Variants in SYN3 observed in about 807,000 individuals in gnomAD.
The protein encoded by SYN3 is synapsin III.
In SYN3, 35 loss-of-function variants were observed where a neutral mutation model predicts 65.8. The ratio of observed to expected loss-of-function variants is 0.53; its 90% confidence interval spans 0.41 to 0.70. SYN3 has a LOEUF of 0.70. Ranked by LOEUF, SYN3 falls within the 30% of genes least tolerant of loss-of-function variation. The probability of loss-of-function intolerance (pLI) is 0.00; values close to 1 mark genes in which losing one functional copy is unlikely to be tolerated. For missense variants in SYN3, 680 were observed against 749.0 expected (o/e 0.91, Z 1.08); for synonymous variants, 270 against 292.9 (o/e 0.92, Z 0.80).
chr22:32,786,697 G>C (rs994527743), intron 6 of SYN3, among the ~76,000 whole-genome samples: 9 of 152,174 alleles, frequency 5.9e-5, no homozygotes, highest in African/African-American at 1.9e-4. Flanking sequence ...AAGGAGGGGG[G>C]ATTTAATAAT....
intron 3 of SYN3, among the ~76,000 whole-genome samples, chr22:32,964,714 G>A (rs141172128): frequency 6.6e-6 from 1 of 152,058 alleles, no homozygotes; most frequent in Non-Finnish European, 1.5e-5. Context: ...AAAGTTAAAC[G>A]CATGAGGGCA....
chr22:32,651,613 A>T (rs2060072243), intron 6 of SYN3, among the ~76,000 whole-genome samples: 1 of 150,896 alleles, frequency 6.6e-6, no homozygotes. Flanking sequence ...AGGATGGCCC[A>T]TGCTTGCTCA....
chr22:32,985,117 C>G (rs879599790), intron 2 of SYN3, among the ~76,000 whole-genome samples: 2 of 152,206 alleles, frequency 1.3e-5, no homozygotes, highest in Non-Finnish European at 2.9e-5. Flanking sequence ...GCCTTAGTTT[C>G]CACACCTAGG....
intron 4 of SYN3, among the ~76,000 whole-genome samples, chr22:32,873,284 T>TG (rs1030138606): frequency 5.5e-5 from 8 of 144,586 alleles, no homozygotes; most frequent in African/African-American, 2.1e-4. Flanking sequence ...AGGGAGTGAG[T>TG]GGGTGAGTGA....
chr22:33,022,752 A>G (rs1323042347), intron 1 of SYN3, among the ~76,000 whole-genome samples: 1 of 152,210 alleles, frequency 6.6e-6, no homozygotes, highest in Non-Finnish European at 1.5e-5. Context: ...AGATTCTTCC[A>G]TTTATTTGCA....
intron 6 of SYN3, among the ~76,000 whole-genome samples, chr22:32,695,865 T>TAGTTTCCATATTATTCTCCAATAAA (rs1174022301): frequency 3.3e-5 from 5 of 152,198 alleles, no homozygotes; most frequent in African/African-American, 1.2e-4. Context: ...AAATGATTAT[T>TAGTTTCCATATTATTCTCCAATAAA]TATTCAGCCT....
intron 6 of SYN3, among the ~76,000 whole-genome samples, chr22:32,650,883 T>C (rs1208748080): frequency 6.6e-6 from 1 of 152,262 alleles, no homozygotes; most frequent in Non-Finnish European, 1.5e-5. Flanking sequence ...AGTATTCTTA[T>C]GCTGATATGA....
intron 3 of SYN3, among the ~76,000 whole-genome samples, chr22:32,963,614 C>A (rs2051730217): frequency 6.6e-6 from 1 of 152,052 alleles, no homozygotes. Context: ...TGAGGGAAAG[C>A]CACCATAAAC....
intron 7 of SYN3, among the ~76,000 whole-genome samples, chr22:32,543,377 C>A (rs528955927): frequency 4.6e-5 from 7 of 152,174 alleles, no homozygotes; most frequent in Non-Finnish European, 8.8e-5. Flanking sequence ...TTCCTTGAAC[C>A]ATCTCAGGGG....
intron 6 of SYN3, among the ~76,000 whole-genome samples, chr22:32,714,770 G>GA (rs1406274949): frequency 6.6e-6 from 1 of 152,106 alleles, no homozygotes; most frequent in Non-Finnish European, 1.5e-5. Context: ...TATGAAATTG[G>GA]AAAAATTCTT....
chr22:32,651,680 T>C (rs1378258589), intron 6 of SYN3, among the ~76,000 whole-genome samples: 1 of 152,138 alleles, frequency 6.6e-6, no homozygotes, highest in Admixed American at 6.5e-5. Context: ...GCTTTAGACA[T>C]CTCAGTTCGC....
At chr22:32,825,949 G>A (rs543596380) in intron 6 of SYN3, among the ~76,000 whole-genome samples, 2 of 152,104 alleles carry the variant, frequency 1.3e-5, no homozygotes, top group Admixed American at 1.3e-4. Context: ...TATTAGCAGG[G>A]GACGTATCCA....
At chr22:32,927,266 T>C (rs2050499958) in intron 4 of SYN3, among the ~76,000 whole-genome samples, 1 of 121,538 alleles carries the variant, frequency 8.2e-6, no homozygotes, top group South Asian at 2.1e-4. Context: ...ATATTTACTT[T>C]TTTTTTTTTT....
intron 6 of SYN3, among the ~76,000 whole-genome samples, chr22:32,811,033 T>A (rs1318519063): frequency 6.6e-6 from 1 of 152,158 alleles, no homozygotes. Flanking sequence ...AGTGAAATAC[T>A]TCATGGAATG....
intron 6 of SYN3, among the ~76,000 whole-genome samples, chr22:32,739,369 AC>A (rs1286945156): frequency 1.5e-5 from 1 of 65,466 alleles, no homozygotes; most frequent in East Asian, 5.5e-4. Flanking sequence ...AGTCCATTAA[AC>A]CCCCCCTTTT....
At chr22:32,698,250 C>T (rs2074829612) in intron 6 of SYN3, among the ~76,000 whole-genome samples, 1 of 152,170 alleles carries the variant, frequency 6.6e-6, no homozygotes, top group African/African-American at 2.4e-5. Flanking sequence ...CTGACAACTT[C>T]AAGGTGGGGT....
In SYN3 at chr22:32,951,572, A is replaced by G. The variant is rs142977773; in HGVS notation, c.370-20091T>C. 1.1e-4 allele frequency among the ~76,000 whole-genome samples: 17 copies of G among 152,324 alleles called. No individual in the cohort carries two copies. In the East Asian group the frequency reaches 3.1e-3, roughly 28 times the overall value. On this transcript the variant is annotated intron_variant, in intron 3 of 13. Transcript: ENST00000358763. ...CTAAAACAGTGCCTGTGCTCCGTCA[A>G]TATCACTCAATGAACCAATGCCCAT...
chr22:32,563,604 G>A (rs2058617278), intron 7 of SYN3, among the ~76,000 whole-genome samples: 2 of 152,182 alleles, frequency 1.3e-5, no homozygotes, highest in African/African-American at 4.8e-5. Flanking sequence ...GTGCCGAGAG[G>A]ACCCTGGAAA....
chr22:32,941,087 G>A lies in SYN3; in HGVS notation c.370-9606C>T, dbSNP rs748728867. Among the ~76,000 whole-genome samples, 25 of 152,014 alleles carry A rather than the reference G, an allele frequency of 1.6e-4. No homozygotes were observed. The East Asian group carries it at 3.7e-3, about 22-fold the overall frequency. ...CAGACCTCTCAAAGACCTCCTCAAC[G>A]AAACCCTCACTTATCTTAAAGGTTA... On this transcript the variant is annotated intron_variant, in intron 3 of 13. Transcript: ENST00000358763.
Sources: gnomAD v4.1 joint callset for allele counts (sites outside exome capture counted in the v4.1 genomes callset) on GRCh38, gnomAD v4.1.1 for gene constraint, MANE v1.5 for transcripts, NCBI Gene and HGNC (gene_info 2026-07-23, HGNC 2026-07-21) for gene names.